The following CAST variants were observed in gnomAD, a reference collection of about 807,000 sequenced individuals.
CAST encodes MIR583 host.
In CAST, 76 loss-of-function variants were observed where a neutral mutation model predicts 119.6. The ratio of observed to expected loss-of-function variants is 0.64; its 90% CI spans 0.53 to 0.77. The LOEUF is 0.77. Among genes scored for constraint, CAST ranks in the 30% least tolerant of loss-of-function variants. The pLI is 0.00. For missense variants in CAST, 953 were observed against 946.5 expected, an observed-to-expected ratio of 1.01 and a Z score of -0.09; for synonymous variants, 319 against 331.6, an observed-to-expected ratio of 0.96 and a Z score of 0.41.
the CAST span, among the ~76,000 whole-genome samples, chr5:96,314,436 A>G: frequency 6.6e-6 from 1 of 152,158 alleles, no homozygotes; most frequent in Non-Finnish European, 1.5e-5. Context: ...CATCCTTTCT[A>G]TGTATTTGTA....
chr5:96,026,346 A>G, the CAST span, among the ~76,000 whole-genome samples: 1,533 of 152,292 alleles, frequency 0.01, 30 homozygotes, highest in African/African-American at 0.034. Context: ...GGAGAAGGAA[A>G]TAGACAGGTG....
chr5:96,541,300 C>A (rs569926497), intron 1 of CAST, among the ~76,000 whole-genome samples: 1 of 151,296 alleles, frequency 6.6e-6, no homozygotes, highest in African/African-American at 2.4e-5. Flanking sequence ...CTCTTGCATT[C>A]TTTTAACATA....
the CAST span, among the ~76,000 whole-genome samples, chr5:96,515,476 C>T: frequency 6.6e-6 from 1 of 152,014 alleles, no homozygotes; most frequent in South Asian, 2.1e-4. Flanking sequence ...GGTTTGGCTT[C>T]CTGGTGCTAT....
chr5:96,111,423 A>G, the CAST span, among the ~76,000 whole-genome samples: 2 of 152,180 alleles, frequency 1.3e-5, no homozygotes, highest in African/African-American at 4.8e-5. Flanking sequence ...GATTGATTAA[A>G]TCATTGGCCT....
Position 96,767,477 on chromosome 5 carries a change from T to C in CAST, c.2170T>C (p.Ser724Pro). Residue 724 changes from serine (S) to proline (P), a missense_variant, in exon 28 of 32, where the codon TCA becomes CCA. Physicochemically the swap from Ser to Pro is moderately conservative, Grantham distance 74. Coordinates refer to ENST00000675179, the MANE Select transcript of CAST (RefSeq NM_001750.7). ...VKPPTKKSED[S>P]KKPADDQDPI... ...GCCACCTACAAAGAAATCAGAGGAT[T>C]CAAAGGTAAAGACCATAGGAACATA... The C allele has an allele frequency of 6.2e-7, 1 of 1,612,292 alleles. No individual in the cohort carries two copies. The highest frequency in any genetic ancestry group is 2.2e-5 in the East Asian group (1 of 44,778).
intron 1 of CAST, among the ~76,000 whole-genome samples, chr5:96,537,658 A>G (rs529918440): frequency 1.3e-5 from 2 of 152,292 alleles, no homozygotes; most frequent in African/African-American, 2.4e-5. Flanking sequence ...CCATGTCACT[A>G]TAGACTCTGC....
At chr5:96,118,407 T>C in the CAST span, among the ~76,000 whole-genome samples, 1 of 152,288 alleles carries the variant, frequency 6.6e-6, no homozygotes, top group Non-Finnish European at 1.5e-5. Context: ...AAGGAAATGA[T>C]TCTACAGATA....
At chr5:96,771,740 A>G (rs1193510708) in intron 31 of CAST, 38 bp downstream of exon 31, 1 of 1,272,034 alleles carries the variant, frequency 7.9e-7, no homozygotes, top group Non-Finnish European at 1.1e-6. Flanking sequence ...AGACAACTGT[A>G]TCTTCTGCCA....
At chr5:96,016,618 A>C in the CAST span, among the ~76,000 whole-genome samples, 3 of 152,052 alleles carry the variant, frequency 2.0e-5, no homozygotes, top group Admixed American at 6.6e-5. Flanking sequence ...TCTCAAATTT[A>C]TGTGCTAGTA....
the CAST span, among the ~76,000 whole-genome samples, chr5:96,282,121 C>G: frequency 2.0e-5 from 3 of 149,940 alleles, no homozygotes; most frequent in East Asian, 4.0e-4. Flanking sequence ...AGGTAACATA[C>G]GCACCACATG....
chr5:96,423,503 C>T, the CAST span: 2 of 1,600,296 alleles, frequency 1.2e-6, no homozygotes, highest in Non-Finnish European at 8.6e-7. Flanking sequence ...TTATCATTTG[C>T]TTGCTACAAA....
At chr5:96,068,671 G>C in the CAST span, among the ~76,000 whole-genome samples, 2 of 149,496 alleles carry the variant, frequency 1.3e-5, no homozygotes, top group African/African-American at 4.9e-5. Flanking sequence ...ATTTTTAATT[G>C]TTCATGTATA....
At chr5:96,373,508 G>C in the CAST span, among the ~76,000 whole-genome samples, 2 of 152,164 alleles carry the variant, frequency 1.3e-5, no homozygotes, top group Admixed American at 1.3e-4. Context: ...GGAACAGCCA[G>C]TTTTCCTCTG....
the CAST span, among the ~76,000 whole-genome samples, chr5:96,167,370 A>G: frequency 6.6e-6 from 1 of 152,172 alleles, no homozygotes; most frequent in Non-Finnish European, 1.5e-5. Context: ...AGAAGATAGT[A>G]GGGATGACAA....
the CAST span, among the ~76,000 whole-genome samples, chr5:96,224,147 T>C: frequency 9.2e-5 from 14 of 152,152 alleles, no homozygotes; most frequent in African/African-American, 3.4e-4. Flanking sequence ...ATCAGAACTG[T>C]CTTGGATCAA....
chr5:96,169,868 G>A, the CAST span, among the ~76,000 whole-genome samples: 25 of 152,286 alleles, frequency 1.6e-4, no homozygotes, highest in Non-Finnish European at 3.5e-4. Context: ...ACCTAATAAG[G>A]GAGCTGGGCA....
chr5:96,199,603 C>T, the CAST span, among the ~76,000 whole-genome samples: 3 of 151,826 alleles, frequency 2.0e-5, no homozygotes, highest in South Asian at 6.2e-4. Context: ...AATTTAAGGC[C>T]ACATATTACA....
At chr5:96,472,937 T>G in the CAST span, among the ~76,000 whole-genome samples, 1 of 152,162 alleles carries the variant, frequency 6.6e-6, no homozygotes, top group Non-Finnish European at 1.5e-5. Context: ...TTCCTTGCCT[T>G]TTTCAGTACA....
intron 2 of CAST, among the ~76,000 whole-genome samples, chr5:96,680,248 G>A (rs916811320): frequency 7.3e-5 from 11 of 150,796 alleles, no homozygotes; most frequent in African/African-American, 2.2e-4. Flanking sequence ...CCAGCTATTC[G>A]GGAGGCTGAG....
Sources: gnomAD v4.1 joint callset for allele counts (sites outside exome capture counted in the v4.1 genomes callset) on GRCh38, gnomAD v4.1.1 for gene constraint, MANE v1.5 for transcripts, NCBI Gene and HGNC (gene_info 2026-07-23, HGNC 2026-07-21) for gene names.